TPO: variants seen among roughly 807,000 people sequenced by gnomAD.
The protein encoded by TPO is thyroid microsomal antigen.
In TPO, 78 loss-of-function variants were observed where a neutral mutation model predicts 96.9. The ratio of observed to expected loss-of-function variants is 0.81; its 90% CI spans 0.67 to 0.97. TPO has a LOEUF of 0.97. TPO is among the 50% of genes least tolerant of loss of function. TPO has a pLI of 0.00. For synonymous variants in TPO, 547 were observed against 538.0 expected, an observed-to-expected ratio of 1.02 and a Z score of -0.23; for missense variants, 1,252 against 1,274.8, an observed-to-expected ratio of 0.98 and a Z score of 0.27.
chr2:1,391,640 T>C (rs1448753117), intron 1 of TPO, among the ~76,000 whole-genome samples: 1 of 152,210 alleles, frequency 6.6e-6, no homozygotes, highest in Non-Finnish European at 1.5e-5. Flanking sequence ...ATTCTTCTTA[T>C]CCATGAGCAT....
chr2:1,481,742 T>C (rs543685062), intron 8 of TPO, among the ~76,000 whole-genome samples: 2 of 152,366 alleles, frequency 1.3e-5, no homozygotes, highest in African/African-American at 4.8e-5. Flanking sequence ...GGGCCGTTCC[T>C]GCAGTGGGTG....
Position 1,375,151 on chromosome 2 carries a change from G to A in TPO, n.180+749G>A, listed in dbSNP as rs116440517. On this transcript the variant is annotated intron_variant and non_coding_transcript_variant, in intron 1 of 5. Transcript: ENST00000497517. ...GGGAAAAAAAAGCATGAAGAAAATT[G>A]CATTAAATTACTTTGACCACGCATT... Among the ~76,000 whole-genome samples the A allele has an allele frequency of 6.7e-3, 1,024 of 152,034 alleles. 11 individuals carry two copies. The highest frequency in any genetic ancestry group is 0.023 in the African/African-American group (935 of 41,478).
chr2:1,416,834 G>A lies in TPO; in HGVS notation c.94+2332G>A, dbSNP rs1663012331. Reference sequence around the variant, plus strand: ...TTATGTCACCTGTGCTCACAGACATGTGAAGCAAAAACCTTGGCCTGCTCC... The same window carrying A: ...TTATGTCACCTGTGCTCACAGACATATGAAGCAAAAACCTTGGCCTGCTCC... On this transcript the variant is annotated intron_variant, in intron 2 of 16. Coordinates refer to ENST00000329066, the MANE Select transcript of TPO (RefSeq NM_001206744.2). Among the ~76,000 whole-genome samples the A allele has an allele frequency of 2.6e-5, 4 of 152,360 alleles. No individual in the cohort carries two copies. In the South Asian group the frequency reaches 8.3e-4, roughly 32 times the overall value.
At chr2:1,542,387 A>C (rs1335944978) in intron 16 of TPO, 34 bp from the exon 17 acceptor site, 1 of 1,613,474 alleles carries the variant, frequency 6.2e-7, no homozygotes, top group Non-Finnish European at 8.5e-7. Context: ...GTCAGAATTC[A>C]GACGTTATTA....
rs1424365370 is a variant in TPO, at chr2:1,456,259, C to T, written c.796C>T (p.Gln266Ter). 3.1e-6 allele frequency: 5 copies of T among 1,614,098 alleles called. No homozygotes were observed. Among genetic ancestry groups the T allele is most frequent in the Non-Finnish European group, 4.2e-6 (5 of 1,180,000 alleles). The change falls in exon 7 of 17, where the codon CAA becomes TAA. Residue 266 changes from glutamine (Q) to a stop codon, truncating the protein, a stop_gained. Coordinates refer to ENST00000329066, the MANE Select transcript of TPO (RefSeq NM_001206744.2). LOFTEE classifies it high-confidence loss of function. Reference protein sequence around the residue: ...GADCQMTCENQNPCFPIQLPE... With the variant: ...GADCQMTCEN ...TGACTGCCAGATGACTTGTGAGAAC[C>T]AAAACCCATGTTTTCCCATACAAGT...
chr2:1,522,156 C>G (rs1401490643), intron 15 of TPO, among the ~76,000 whole-genome samples: 1 of 124,726 alleles, frequency 8.0e-6, no homozygotes, highest in African/African-American at 3.0e-5. Context: ...CAGTCTCTAC[C>G]CCACACTGGC....
At chr2:1,529,758 T>C (rs1377560775) in intron 15 of TPO, among the ~76,000 whole-genome samples, 1 of 82,848 alleles carries the variant, frequency 1.2e-5, no homozygotes, top group African/African-American at 5.2e-5. Context: ...CCCCCCACTG[T>C]GTGCAACCTC....
intron 10 of TPO, among the ~76,000 whole-genome samples, chr2:1,493,167 G>C (rs934500843): frequency 9.4e-5 from 13 of 139,010 alleles, no homozygotes; most frequent in African/African-American, 3.4e-4. Flanking sequence ...GAGATGAGTG[G>C]CCAGACAGAT....
chr2:1,392,292 G>A (rs183047256), intron 1 of TPO, among the ~76,000 whole-genome samples: 72 of 152,226 alleles, frequency 4.7e-4, no homozygotes, highest in Middle Eastern at 3.4e-3. Flanking sequence ...TTATGTTTAC[G>A]TGATGGATTA....
chr2:1,514,026 C>T (rs1407333756), intron 14 of TPO, among the ~76,000 whole-genome samples: 1 of 152,154 alleles, frequency 6.6e-6, no homozygotes, highest in Non-Finnish European at 1.5e-5. Context: ...TATGTGAAAG[C>T]ATCTCTATTC....
chr2:1,536,601 T>C, intron 15 of TPO, among the ~76,000 whole-genome samples: 1 of 34,370 alleles, frequency 2.9e-5, no homozygotes. Flanking sequence ...ACTGTGTGCA[T>C]TCTCCTCAAA....
chr2:1,418,238 TCACAC>T (rs1009220087), intron 2 of TPO, among the ~76,000 whole-genome samples: 14 of 143,570 alleles, frequency 9.8e-5, no homozygotes, highest in African/African-American at 3.4e-4. Flanking sequence ...AGAGTCGAGA[TCACAC>T]CACTGCACTC....
chr2:1,542,616 T>A lies in TPO; in HGVS notation c.*142T>A, dbSNP rs1393470674. 2.6e-6 allele frequency: 4 copies of A among 1,552,170 alleles called. No individual in the cohort carries two copies. In the Admixed American group the frequency reaches 7.8e-5, roughly 30 times the overall value. ...AAATCTAGTACCATGTCGTAGTTAC[T>A]CTCAGGCATGGATGAATAAATGTTA... is the stretch of plus-strand genomic sequence containing the variant. On this transcript the variant is annotated 3_prime_UTR_variant, in exon 17 of 17. Coordinates refer to ENST00000329066, the MANE Select transcript of TPO (RefSeq NM_001206744.2).
intron 10 of TPO, 71 bp from the exon 11 acceptor site, chr2:1,493,731 G>T: frequency 1.3e-6 from 2 of 1,568,248 alleles, no homozygotes; most frequent in South Asian, 1.1e-5. Flanking sequence ...CGGGGACCAT[G>T]GCATGAGTGA....
chr2:1,461,338 T>C (rs1045447965), intron 7 of TPO, among the ~76,000 whole-genome samples: 2 of 152,194 alleles, frequency 1.3e-5, no homozygotes, highest in Non-Finnish European at 2.9e-5. Flanking sequence ...GGTTCAAACG[T>C]TCTTTGGCCT....
chr2:1,450,430 G>A (rs1386143296), intron 5 of TPO, among the ~76,000 whole-genome samples: 1 of 152,198 alleles, frequency 6.6e-6, no homozygotes, highest in Non-Finnish European at 1.5e-5. Context: ...CAGGAGCACA[G>A]ACCTCAGTCT....
At chr2:1,527,133 GC>G (rs2125167423) in intron 15 of TPO, among the ~76,000 whole-genome samples, 1 of 101,384 alleles carries the variant, frequency 9.9e-6, no homozygotes, top group Admixed American at 1.4e-4. Context: ...CCCACTGTGT[GC>G]AACCTCCTCA....
At chr2:1,392,190 T>A (rs191983768) in intron 1 of TPO, among the ~76,000 whole-genome samples, 205 of 152,270 alleles carry the variant, frequency 1.3e-3, no homozygotes, top group African/African-American at 4.7e-3. Context: ...CAATACCCAG[T>A]TTATTGAGAG....
At chr2:1,476,915 T>G (rs1255978289) in intron 7 of TPO, among the ~76,000 whole-genome samples, 171 bp from the exon 8 acceptor site, 1 of 148,968 alleles carries the variant, frequency 6.7e-6, no homozygotes, top group East Asian at 2.0e-4. Flanking sequence ...AGACCACCGG[T>G]AAGCAGGCCG....
Sources: allele counts gnomAD v4.1 joint callset (sites outside exome capture counted in the v4.1 genomes callset), GRCh38; gene constraint gnomAD v4.1.1; transcripts MANE v1.5; gene names NCBI Gene and HGNC (gene_info 2026-07-23, HGNC 2026-07-21).